MAPRE1: variants seen among roughly 807,000 people sequenced by gnomAD.
The protein encoded by MAPRE1 is microtubule associated protein RP/EB family member 1.
A neutral mutation model predicts 32.1 loss-of-function variants in MAPRE1; 5 were observed. The observed-to-expected ratio is 0.16, with a 90% CI of 0.08 to 0.33. MAPRE1 has a LOEUF of 0.33. Among genes scored for constraint, MAPRE1 ranks in the 10% least tolerant of loss-of-function variants. The pLI, the probability that MAPRE1 is intolerant of heterozygous loss-of-function variation, is 1.00. For missense variants in MAPRE1, 209 were observed against 327.2 expected (o/e 0.64, Z 2.79); for synonymous variants, 122 against 118.9 (o/e 1.03, Z -0.17).
At chr20:32,836,372 G>A (rs1486952084) in intron 3 of MAPRE1, among the ~76,000 whole-genome samples, 1 of 152,222 alleles carries the variant, frequency 6.6e-6, no homozygotes, top group Non-Finnish European at 1.5e-5. Flanking sequence ...ATGTGTGTAT[G>A]TGACTTATAT....
intron 1 of MAPRE1, among the ~76,000 whole-genome samples, chr20:32,822,661 TG>T (rs1982735099): frequency 6.6e-6 from 1 of 152,214 alleles, no homozygotes; most frequent in South Asian, 2.1e-4. Context: ...GGCTTTAACT[TG>T]TAAGGGAACT....
At chr20:32,847,644 A>AG (rs1002570381) in intron 6 of MAPRE1, among the ~76,000 whole-genome samples, 2 of 152,212 alleles carry the variant, frequency 1.3e-5, no homozygotes, top group Non-Finnish European at 2.9e-5. Context: ...ACGAAGATAT[A>AG]GGGGGTCCTT....
intron 5 of MAPRE1, among the ~76,000 whole-genome samples, chr20:32,846,192 T>C (rs1983500550): frequency 6.6e-6 from 1 of 152,194 alleles, no homozygotes. Context: ...TCCATTGGGC[T>C]TCCAAAGAGT....
intron 2 of MAPRE1, among the ~76,000 whole-genome samples, chr20:32,832,223 T>TTA (rs369994307): frequency 2.4e-3 from 364 of 152,348 alleles, no homozygotes; most frequent in African/African-American, 7.7e-3. Context: ...TGCAGATTAC[T>TTA]TATTACTTAA....
At chr20:32,827,641 A>G (rs1298661316) in intron 2 of MAPRE1, among the ~76,000 whole-genome samples, 1 of 152,038 alleles carries the variant, frequency 6.6e-6, no homozygotes, top group Non-Finnish European at 1.5e-5. Flanking sequence ...TCGTGCCTGT[A>G]ATCTCAGCAC....
At position 32,825,961 on chromosome 20, in the gene MAPRE1, A is replaced by G; in HGVS notation, c.34A>G (p.Ser12Gly). The G allele has an allele frequency of 3.1e-6, 5 of 1,608,608 alleles. No individual in the cohort carries two copies. The South Asian group carries it at 3.3e-5, about 11-fold the overall frequency. Residue 12 changes from serine to glycine, a missense_variant, in exon 2 of 7, where the codon AGT becomes GGT. Around this residue, in one of 3 missense-constraint regions of MAPRE1, gnomAD observed 67 missense variants for 140.0 expected, o/e 0.48. Transcript: ENST00000375571. Reference protein sequence around the residue: ...AVNVYSTSVTSDNLSRHDMLA... With the variant: ...AVNVYSTSVTGDNLSRHDMLA... ...GAACGTATACTCAACGTCAGTGACC[A>G]GTGATAACCTAAGTCGACATGACAT...
intron 5 of MAPRE1, among the ~76,000 whole-genome samples, chr20:32,842,637 C>T (rs1355977330): frequency 1.3e-5 from 2 of 152,166 alleles, no homozygotes; most frequent in African/African-American, 4.8e-5. Flanking sequence ...TTGCACCCAC[C>T]TTTGGAAACT....
intron 3 of MAPRE1, among the ~76,000 whole-genome samples, chr20:32,835,864 C>T (rs1983186190): frequency 6.6e-6 from 1 of 151,988 alleles, no homozygotes; most frequent in Non-Finnish European, 1.5e-5. Flanking sequence ...CCTTGACCTC[C>T]CAAAGTGTTG....
At chr20:32,839,675 AT>A (rs1983300094) in intron 4 of MAPRE1, 59 bp from the exon 5 acceptor site, 6 of 1,582,396 alleles carry the variant, frequency 3.8e-6, no homozygotes, top group African/African-American at 1.4e-5. Context: ...TGTCTTGTGG[AT>A]TTTTTGTTTG....
At chr20:32,845,863 C>T (rs1347002389) in intron 5 of MAPRE1, among the ~76,000 whole-genome samples, 2 of 152,034 alleles carry the variant, frequency 1.3e-5, no homozygotes, top group Non-Finnish European at 2.9e-5. Flanking sequence ...TCCCTTCTGC[C>T]GAGGTCGTTC....
Position 32,825,999 on chromosome 20 carries a change from C to G in MAPRE1, c.72C>G (p.Ile24Met), listed in dbSNP as rs768571404. 1 of 1,610,238 alleles carries G rather than the reference C, an allele frequency of 6.2e-7. No homozygotes were observed. Among genetic ancestry groups the G allele is most frequent in the African/African-American group, 1.3e-5 (1 of 74,854 alleles). The change falls in exon 2 of 7, where the codon ATC (isoleucine) becomes ATG (methionine). Residue 24 changes from isoleucine to methionine, a missense_variant. This residue lies in a region of MAPRE1 where 67 missense variants were observed against 140.0 expected (regional missense o/e 0.48). Coordinates refer to ENST00000375571, the MANE Select transcript of MAPRE1 (RefSeq NM_012325.3). ...NLSRHDMLAW[I>M]NESLQLNLTK... Reference sequence around the variant, plus strand: ...GTCGACATGACATGCTGGCCTGGATCAATGAGTCTCTGCAGTTGAATCTGA... The same window carrying G: ...GTCGACATGACATGCTGGCCTGGATGAATGAGTCTCTGCAGTTGAATCTGA...
chr20:32,831,432 T>G (rs533529130), intron 2 of MAPRE1, among the ~76,000 whole-genome samples: 15 of 152,230 alleles, frequency 9.9e-5, no homozygotes, highest in Non-Finnish European at 1.9e-4. Flanking sequence ...CCTGTACAAT[T>G]TTGGTAACCA....
chr20:32,842,445 G>A (rs1412904358), intron 5 of MAPRE1, among the ~76,000 whole-genome samples: 1 of 152,148 alleles, frequency 6.6e-6, no homozygotes, highest in African/African-American at 2.4e-5. Context: ...TTTCACTTTC[G>A]CAGCAACCCT....
At chr20:32,845,125 T>C (rs1008809292) in intron 5 of MAPRE1, among the ~76,000 whole-genome samples, 1 of 152,162 alleles carries the variant, frequency 6.6e-6, no homozygotes, top group Non-Finnish European at 1.5e-5. Context: ...ACTGCAGCCT[T>C]GAACTCCTGG....
rs1339318735 is a variant in MAPRE1, at chr20:32,829,732, A to G, written c.121+3684A>G. On this transcript the variant is annotated intron_variant, in intron 2 of 6. Transcript: ENST00000375571. Reference sequence around the variant, plus strand: ...CTGCCTGCTGCCTGTGAAGTGGCCAAATTTTGTCAGCAGTGGGCTCTCCTA... The same window carrying G: ...CTGCCTGCTGCCTGTGAAGTGGCCAGATTTTGTCAGCAGTGGGCTCTCCTA... Among the ~76,000 whole-genome samples the G allele has an allele frequency of 3.3e-5, 5 of 152,140 alleles. No individual in the cohort carries two copies. The East Asian group carries it at 5.8e-4, about 18-fold the overall frequency.
chr20:32,827,596 T>G (rs1982895375), intron 2 of MAPRE1, among the ~76,000 whole-genome samples: 1 of 151,688 alleles, frequency 6.6e-6, no homozygotes, highest in Non-Finnish European at 1.5e-5. Context: ...GGATCGATCT[T>G]AAATTACTGC....
rs1983590214 is a variant in MAPRE1 at position 32,849,479 on chromosome 20, C to T, written c.*751C>T. ...GCATTTCTCTATTTTTCCAGTTATC[C>T]CCGAAATTTCTATGTATTATATTTT... On this transcript the variant is annotated 3_prime_UTR_variant, in exon 7 of 7. Transcript: ENST00000375571. 1 of 152,152 alleles carries T rather than the reference C, an allele frequency of 6.6e-6. No individual in the cohort carries two copies. The highest frequency in any genetic ancestry group is 6.6e-5 in the Admixed American group (1 of 15,264). The allele number at this position is 152,152 out of a possible 1,614,324, so 9.4% of individuals were successfully genotyped here.
At position 32,833,871 on chromosome 20, in the gene MAPRE1, A is replaced by G. The variant is rs1372559817; in HGVS notation, c.267+9A>G. 1.2e-6 allele frequency: 2 copies of G among 1,611,080 alleles called. No individual in the cohort carries two copies. Among genetic ancestry groups the G allele is most frequent in the Non-Finnish European group, 1.7e-6 (2 of 1,177,904 alleles). On this transcript the variant is annotated intron_variant, in intron 3 of 6. Transcript: ENST00000375571. ...GAATGGGTGTTGACAAAGTAAGTAA[A>G]CGTTATCTTTTATTGTGGTTAATGT...
intron 2 of MAPRE1, among the ~76,000 whole-genome samples, chr20:32,829,982 G>A (rs113543156): frequency 0.015 from 2,258 of 152,226 alleles, 44 homozygotes; most frequent in African/African-American, 0.047. Flanking sequence ...TGTCAGAAAG[G>A]GAGTACTGGT....
Sources: allele counts gnomAD v4.1 joint callset (sites outside exome capture counted in the v4.1 genomes callset), GRCh38; gene constraint gnomAD v4.1.1; regional missense constraint gnomAD v4.1.1; transcripts MANE v1.5; gene names NCBI Gene and HGNC (gene_info 2026-07-23, HGNC 2026-07-21).